STAG1: variants seen among roughly 807,000 people sequenced by gnomAD.
The protein encoded by STAG1 is cohesin subunit SA-1.
A neutral mutation model predicts 170.9 loss-of-function variants in STAG1; 26 were observed. The observed-to-expected ratio is 0.15, with a 90% CI of 0.11 to 0.21. The LOEUF (loss-of-function observed/expected upper bound fraction) is 0.21. STAG1 is among the 10% of genes least tolerant of loss of function. The pLI is 1.00. For synonymous variants in STAG1, 514 were observed against 497.7 expected (o/e 1.03, Z -0.44); for missense variants, 964 against 1,509.5 (o/e 0.64, Z 5.99).
intron 5 of STAG1, among the ~76,000 whole-genome samples, chr3:136,553,523 C>T (rs1022468581): frequency 1.3e-5 from 2 of 152,178 alleles, no homozygotes; most frequent in African/African-American, 2.4e-5. Flanking sequence ...TGCCTGTAAT[C>T]CCAGCACTTT....
intron 22 of STAG1, among the ~76,000 whole-genome samples, chr3:136,393,651 TGGTGTAATCTTA>T (rs1354400607): frequency 1.3e-5 from 2 of 149,596 alleles, no homozygotes; most frequent in African/African-American, 2.5e-5. Flanking sequence ...TGGAGTGCAC[TGGTGTAATCTTA>T]GGTCACTGCA....
chr3:136,643,044 T>C (rs1323516314), intron 1 of STAG1, among the ~76,000 whole-genome samples: 1 of 152,238 alleles, frequency 6.6e-6, no homozygotes, highest in Non-Finnish European at 1.5e-5. Flanking sequence ...GCTAAATGCC[T>C]ATGAGCTTGT....
intron 5 of STAG1, among the ~76,000 whole-genome samples, chr3:136,552,347 G>A (rs1360024505): frequency 6.6e-6 from 1 of 152,060 alleles, no homozygotes; most frequent in Admixed American, 6.5e-5. Context: ...TCATCTGAGG[G>A]AGAAATCACT....
intron 1 of STAG1, among the ~76,000 whole-genome samples, chr3:136,733,272 G>C (rs1934147012): frequency 6.6e-6 from 1 of 151,662 alleles, no homozygotes; most frequent in Admixed American, 6.6e-5. Context: ...TTTTTGTAGA[G>C]ACAGGGTTTC....
At chr3:136,372,285 C>A (rs888763283) in intron 23 of STAG1, among the ~76,000 whole-genome samples, 11 of 152,188 alleles carry the variant, frequency 7.2e-5, no homozygotes, top group African/African-American at 2.7e-4. Flanking sequence ...ACAATCATGT[C>A]ATCTGCAAAC....
At chr3:136,736,749 GTT>G in intron 1 of STAG1, 1 of 1,601,544 alleles carries the variant, frequency 6.2e-7, no homozygotes, top group Non-Finnish European at 8.5e-7. Flanking sequence ...TCAGCAAAGA[GTT>G]TCATTGTCTG....
At chr3:136,378,802 G>A (rs1937761514) in intron 22 of STAG1, among the ~76,000 whole-genome samples, 1 of 152,172 alleles carries the variant, frequency 6.6e-6, no homozygotes, top group Non-Finnish European at 1.5e-5. Context: ...AGGACTATCT[G>A]ATATAAGAGC....
At chr3:136,434,278 A>G (rs1403269539) in intron 15 of STAG1, among the ~76,000 whole-genome samples, 1 of 152,172 alleles carries the variant, frequency 6.6e-6, no homozygotes, top group Non-Finnish European at 1.5e-5. Flanking sequence ...AGAAATCATA[A>G]GATTATTTAT....
At chr3:136,562,181 C>A (rs1335561163) in intron 5 of STAG1, among the ~76,000 whole-genome samples, 1 of 152,098 alleles carries the variant, frequency 6.6e-6, no homozygotes, top group Non-Finnish European at 1.5e-5. Context: ...TCCTTTATGC[C>A]AAAAGAAATT....
At chr3:136,501,182 T>C (rs1933445478) in intron 8 of STAG1, among the ~76,000 whole-genome samples, 1 of 152,240 alleles carries the variant, frequency 6.6e-6, no homozygotes, top group Admixed American at 6.5e-5. Flanking sequence ...GCATTTATCA[T>C]ATAAAAACTA....
intron 15 of STAG1, among the ~76,000 whole-genome samples, chr3:136,437,576 C>T (rs2088495627): frequency 6.6e-6 from 1 of 152,130 alleles, no homozygotes; most frequent in African/African-American, 2.4e-5. Flanking sequence ...CTGGCTTCTC[C>T]CTTTTAGTAT....
At chr3:136,369,572 A>C (rs1403494058) in intron 23 of STAG1, among the ~76,000 whole-genome samples, 1 of 152,174 alleles carries the variant, frequency 6.6e-6, no homozygotes, top group Non-Finnish European at 1.5e-5. Context: ...CTTTTAAAAA[A>C]TGAGTTTAAG....
At chr3:136,517,701 C>A (rs563076310) in intron 7 of STAG1, among the ~76,000 whole-genome samples, 6 of 152,038 alleles carry the variant, frequency 3.9e-5, no homozygotes, top group African/African-American at 1.4e-4. Context: ...GATTGTAAAT[C>A]CACCAAAATA....
At chr3:136,511,154 T>C (rs1484992188) in intron 7 of STAG1, among the ~76,000 whole-genome samples, 1 of 152,214 alleles carries the variant, frequency 6.6e-6, no homozygotes, top group African/African-American at 2.4e-5. Context: ...AGAATGTGCC[T>C]GCTTCTCCTT....
At chr3:136,742,416 G>A (rs1934714050) in intron 1 of STAG1, among the ~76,000 whole-genome samples, 1 of 151,348 alleles carries the variant, frequency 6.6e-6, no homozygotes, top group Non-Finnish European at 1.5e-5. Context: ...CCCAAATATT[G>A]AAAATTAAAC....
At chr3:136,607,060 C>A (rs2107811276) in intron 3 of STAG1, among the ~76,000 whole-genome samples, 1 of 152,012 alleles carries the variant, frequency 6.6e-6, no homozygotes, top group East Asian at 1.9e-4. Context: ...AGTAACATGC[C>A]ATTTTTATCA....
At chr3:136,501,707 A>AG (rs1326689159) in intron 8 of STAG1, among the ~76,000 whole-genome samples, 3 of 152,224 alleles carry the variant, frequency 2.0e-5, no homozygotes, top group Non-Finnish European at 1.5e-5. Flanking sequence ...AAACTAATAC[A>AG]GTATGGCTAA....
At chr3:136,518,247 C>T in intron 7 of STAG1, 2 of 580,532 alleles carry the variant, frequency 3.4e-6, no homozygotes, top group Non-Finnish European at 6.2e-6. Context: ...AAATAACTAA[C>T]CTGATTGTCT....
intron 1 of STAG1, among the ~76,000 whole-genome samples, chr3:136,661,746 A>C (rs1042056012): frequency 6.6e-6 from 1 of 152,210 alleles, no homozygotes; most frequent in African/African-American, 2.4e-5. Flanking sequence ...TCAAAATCCA[A>C]GCACAATATT....
Sources: gnomAD v4.1 joint callset for allele counts (sites outside exome capture counted in the v4.1 genomes callset) on GRCh38, gnomAD v4.1.1 for gene constraint, MANE v1.5 for transcripts, NCBI Gene and HGNC (gene_info 2026-07-23, HGNC 2026-07-21) for gene names.